STYX: variants seen among roughly 807,000 people sequenced by gnomAD.
The protein encoded by STYX is serine/threonine/tyrosine-interacting protein.
Under a neutral mutation model 42.7 loss-of-function variants are expected in STYX, and 20 were observed. The ratio of observed to expected loss-of-function variants is 0.47; its 90% CI spans 0.33 to 0.68. STYX has a LOEUF of 0.68. Among genes scored for constraint, STYX ranks in the 30% least tolerant of loss-of-function variants. The pLI is 0.02. For synonymous variants in STYX, 78 were observed against 81.9 expected (o/e 0.95, Z 0.26); for missense variants, 226 against 268.5 (o/e 0.84, Z 1.11).
At chr14:52,741,225 TATA>T (rs1419079056) in intron 1 of STYX, among the ~76,000 whole-genome samples, 25 of 92,006 alleles carry the variant, frequency 2.7e-4, no homozygotes, top group African/African-American at 8.2e-4. Context: ...TATATATATA[TATA>T]TATTTTTTTT....
intron 9 of STYX, among the ~76,000 whole-genome samples, chr14:52,761,566 G>GT (rs539782412): frequency 0.46 from 45,967 of 100,886 alleles, 12,077 homozygotes; most frequent in East Asian, 0.52. Flanking sequence ...GTAGCCAAAA[G>GT]TTTTTTTTTT....
At chr14:52,734,245 C>A (rs958193786) in intron 1 of STYX, among the ~76,000 whole-genome samples, 1 of 152,040 alleles carries the variant, frequency 6.6e-6, no homozygotes, top group Non-Finnish European at 1.5e-5. Flanking sequence ...TAGGGTTTTC[C>A]CTTCAAGTTA....
chr14:52,751,050 A>G (rs1881590424), intron 4 of STYX, among the ~76,000 whole-genome samples: 1 of 152,170 alleles, frequency 6.6e-6, no homozygotes, highest in Admixed American at 6.5e-5. Flanking sequence ...AATAGGTTTT[A>G]GTGTACATTA....
At chr14:52,738,935 C>T (rs1220749021) in intron 1 of STYX, among the ~76,000 whole-genome samples, 2 of 152,076 alleles carry the variant, frequency 1.3e-5, no homozygotes, top group Non-Finnish European at 2.9e-5. Flanking sequence ...ACCTCTACCC[C>T]CATGCTATAT....
At chr14:52,762,878 CTTTCTTTTT>C (rs1882149928) in intron 9 of STYX, among the ~76,000 whole-genome samples, 5 of 77,406 alleles carry the variant, frequency 6.5e-5, no homozygotes, top group Admixed American at 4.0e-4. Context: ...TTCTTTCTTT[CTTTCTTTTT>C]TTTTTTTTTT....
intron 2 of STYX, among the ~76,000 whole-genome samples, chr14:52,745,167 C>T (rs1881349354): frequency 6.8e-6 from 1 of 146,454 alleles, no homozygotes; most frequent in African/African-American, 2.5e-5. Context: ...GTTGCCCAGG[C>T]TAGAGTGCAA....
chr14:52,759,860 TCTGA>T, intron 9 of STYX, 106 bp downstream of exon 9: 1 of 703,606 alleles, frequency 1.4e-6, no homozygotes. Flanking sequence ...ATTGCCATAA[TCTGA>T]CTACTTTGAT....
rs558973093 is a variant in STYX at position 52,762,318 on chromosome 14, T to TA, written c.504+2565dup. On this transcript the variant is annotated intron_variant, in intron 9 of 10. Transcript: ENST00000354586. ...ATTTTTATTTTATACCAAATTCTGA[T>TA]ATGTCCTTTAGAAGTTTGAAGTTTT... is the stretch of plus-strand genomic sequence containing the variant. 3.0e-3 allele frequency among the ~76,000 whole-genome samples: 450 copies of TA among 152,354 alleles called. 4 individuals carry two copies. Among genetic ancestry groups the TA allele is most frequent in the African/African-American group, 0.01 (417 of 41,584 alleles).
rs1270523496 is a variant in STYX at position 52,730,336 on chromosome 14, T to G, written c.-139T>G. The G allele has an allele frequency of 1.3e-6, 1 of 781,462 alleles. No individual in the cohort carries two copies. Among genetic ancestry groups the G allele is most frequent in the Non-Finnish European group, 2.2e-6 (1 of 463,308 alleles). 48.4% of individuals were successfully genotyped at this position (781,462 alleles called of 1,614,324 possible). A position where few individuals can be genotyped will look rare whatever the true frequency, so the allele number is the denominator to read the frequency against. On this transcript the variant is annotated 5_prime_UTR_variant, in exon 1 of 11. Transcript: ENST00000354586. ...TCACTGGGACCCTGTAGTCTGCGTG[T>G]GTTAGTTGTAATCCCGCCGCCCTCC...
chr14:52,757,800 ATCTT>A lies in STYX; in HGVS notation c.380+26_380+29del, dbSNP rs1209723990. 4.3e-6 allele frequency: 7 copies of A among 1,613,124 alleles called. No homozygotes were observed. The highest frequency in any genetic ancestry group is 4.2e-6 in the Non-Finnish European group (5 of 1,179,652). ...TCCAGAAGGTATGAAGTTAGAAATA[ATCTT>A]TCTTTCTATAACATTTAATTAATGG... is the stretch of plus-strand genomic sequence containing the variant. On this transcript the variant is annotated intron_variant, in intron 7 of 10. Transcript: ENST00000354586.
At chr14:52,739,733 C>T (rs1331402506) in intron 1 of STYX, among the ~76,000 whole-genome samples, 1 of 149,906 alleles carries the variant, frequency 6.7e-6, no homozygotes, top group African/African-American at 2.5e-5. Context: ...CCTCGACCTC[C>T]CAAGCCCGAG....
chr14:52,764,149 C>T (rs927693101), intron 9 of STYX, among the ~76,000 whole-genome samples: 3 of 151,910 alleles, frequency 2.0e-5, no homozygotes, highest in East Asian at 1.9e-4. Context: ...TGCATCACCA[C>T]GCCCGGCTAA....
rs576045026 is a variant in STYX, at chr14:52,760,656, ATTTACT to A, written c.504+907_504+912del. Among the ~76,000 whole-genome samples the A allele has an allele frequency of 1.5e-3, 233 of 152,290 alleles. 1 individual carries two copies. The highest frequency in any genetic ancestry group is 5.5e-3 in the African/African-American group (228 of 41,580). ...GGTTTAAATTTTATTTTAATATTTAATTTACTTTTAATTTTTACTACATTCAAAAGA... is the reference window on the plus strand; with the variant it reads ...GGTTTAAATTTTATTTTAATATTTAATTTAATTTTTACTACATTCAAAAGA... On this transcript the variant is annotated intron_variant, in intron 9 of 10. Coordinates refer to ENST00000354586, the MANE Select transcript of STYX (RefSeq NM_145251.4).
At chr14:52,759,648 T>C (rs758271956) in intron 8 of STYX, 34 bp from the exon 9 acceptor site, 10 of 1,388,446 alleles carry the variant, frequency 7.2e-6, no homozygotes, top group Non-Finnish European at 1.0e-5. Flanking sequence ...CATTAAATAA[T>C]GCTATCACAT....
intron 1 of STYX, among the ~76,000 whole-genome samples, chr14:52,738,547 AT>A (rs977104109): frequency 6.6e-6 from 1 of 152,198 alleles, no homozygotes; most frequent in Non-Finnish European, 1.5e-5. Flanking sequence ...TCCCTAAAGA[AT>A]TTTTTTGATA....
chr14:52,757,907 A>G lies in STYX; in HGVS notation c.414A>G (p.Thr138=). The part of the protein sequence containing the change: ...AAFVIAYIME[T]FGMKYRDAFA... ...TTGTTATTGCATACATTATGGAAAC[A>G]TTTGGAATGAAGTACAGGTAAGAAA... The change falls in exon 8 of 11, where the codon ACA becomes ACG. Residue 138 remains threonine, a synonymous_variant. Coordinates refer to ENST00000354586, the MANE Select transcript of STYX (RefSeq NM_145251.4). The G allele has an allele frequency of 1.2e-6, 2 of 1,612,006 alleles. No individual in the cohort carries two copies. The highest frequency in any genetic ancestry group is 4.5e-5 in the East Asian group (2 of 44,770).
intron 4 of STYX, among the ~76,000 whole-genome samples, chr14:52,752,300 AC>A (rs1881649563): frequency 6.6e-6 from 1 of 151,508 alleles, no homozygotes; most frequent in Non-Finnish European, 1.5e-5. Flanking sequence ...CCCCGTCTCT[AC>A]TAAAAATACA....
At chr14:52,760,621 T>A (rs531003325) in intron 9 of STYX, among the ~76,000 whole-genome samples, 4 of 152,200 alleles carry the variant, frequency 2.6e-5, no homozygotes, top group African/African-American at 9.6e-5. Context: ...TATATTGTTA[T>A]AGTTACCAAG....
At chr14:52,743,813 T>C (rs762676745) in intron 1 of STYX, among the ~76,000 whole-genome samples, 1 of 152,118 alleles carries the variant, frequency 6.6e-6, no homozygotes, top group Non-Finnish European at 1.5e-5. Flanking sequence ...CACTGACAAA[T>C]GAGGACTATC....
Sources: gnomAD v4.1 joint callset for allele counts (sites outside exome capture counted in the v4.1 genomes callset) on GRCh38, gnomAD v4.1.1 for gene constraint, MANE v1.5 for transcripts, NCBI Gene and HGNC (gene_info 2026-07-23, HGNC 2026-07-21) for gene names.